The following NUP210L variants were observed in gnomAD, a reference collection of about 807,000 sequenced individuals.
NUP210L encodes nucleoporin 210 like, also known as nuclear pore membrane glycoprotein 210-like.
NUP210L carries 74 observed loss-of-function variants against 208.5 expected under a neutral mutation model. The observed-to-expected ratio is 0.35, with a 90% CI of 0.29 to 0.43. NUP210L has a LOEUF of 0.43. Among genes scored for constraint, NUP210L ranks in the 20% least tolerant of loss-of-function variants. The pLI is 1.00. For synonymous variants in NUP210L, 780 were observed against 816.9 expected, an observed-to-expected ratio of 0.95 and a Z score of 0.77; for missense variants, 1,843 against 2,289.4, an observed-to-expected ratio of 0.81 and a Z score of 3.98.
chr1:154,094,808 C>T, intron 15 of NUP210L, 127 bp downstream of exon 15: 1 of 678,946 alleles, frequency 1.5e-6, no homozygotes, highest in South Asian at 2.0e-5. Flanking sequence ...ATCATTTGAT[C>T]AATAATTAGA....
At chr1:154,118,728 G>T (rs746432849) in exon 11 of NUP210L, 4 of 1,605,646 alleles carry the variant, frequency 2.5e-6, no homozygotes, top group Non-Finnish European at 3.4e-6. Context: ...CCAGAAATTT[G>T]GGTGTAAGCA....
chr1:154,054,166 A>G (rs34752019), intron 25 of NUP210L, 62 bp downstream of exon 25: 238,385 of 1,560,040 alleles, frequency 0.15, 21,256 homozygotes, highest in East Asian at 0.45. Context: ...CTGCCTCCCT[A>G]TCTCCCACAG....
intron 14 of NUP210L, among the ~76,000 whole-genome samples, chr1:154,098,925 C>G (rs1278300713): frequency 1.3e-5 from 2 of 152,226 alleles, no homozygotes; most frequent in Non-Finnish European, 2.9e-5. Flanking sequence ...GCCCTCAGCT[C>G]CTCTTTGGCT....
At chr1:154,115,964 C>CA in intron 12 of NUP210L, among the ~76,000 whole-genome samples, 1 of 151,958 alleles carries the variant, frequency 6.6e-6, no homozygotes, top group East Asian at 1.9e-4. Context: ...ACTGAAAATA[C>CA]AAAAAATTAG....
chr1:154,046,902 T>C (rs1320571632), intron 25 of NUP210L, among the ~76,000 whole-genome samples: 1 of 151,946 alleles, frequency 6.6e-6, no homozygotes, highest in East Asian at 1.9e-4. Context: ...CTACTGAAAA[T>C]ACAAAATTAG....
intron 20 of NUP210L, 125 bp from the exon 21 acceptor site, chr1:154,058,818 C>T (rs1012083753): frequency 1.9e-5 from 16 of 839,474 alleles, no homozygotes; most frequent in South Asian, 3.5e-5. Context: ...GACTCTCAGA[C>T]GTCACGTAAC....
At position 154,000,837 on chromosome 1, in the gene NUP210L, AG is replaced by A; in HGVS notation, c.5386+18del. ...TTCTTTTCCTCTCTAGATTATAAAT[AG>A]GAATCTCTGATGCTTACCTGCACCC... On this transcript the variant is annotated intron_variant, in intron 37 of 39. Coordinates refer to ENST00000368559, the Ensembl canonical transcript of NUP210L. 1 of 1,595,118 alleles carries A rather than the reference AG, an allele frequency of 6.3e-7. No individual in the cohort carries two copies. The highest frequency in any genetic ancestry group is 1.3e-5 in the African/African-American group (1 of 74,652).
At chr1:154,087,799 T>C (rs780664482) in intron 16 of NUP210L, among the ~76,000 whole-genome samples, 1 of 152,106 alleles carries the variant, frequency 6.6e-6, no homozygotes, top group Non-Finnish European at 1.5e-5. Context: ...TCAATGAAAC[T>C]TGAAAACATG....
chr1:154,036,654 C>T (rs1242282456), intron 27 of NUP210L, among the ~76,000 whole-genome samples: 4 of 151,738 alleles, frequency 2.6e-5, no homozygotes, highest in South Asian at 2.1e-4. Context: ...CATGAGCTAC[C>T]GTGCCCAGCC....
At position 154,022,116 on chromosome 1, in the gene NUP210L, G is replaced by A. The variant is rs1651600149; in HGVS notation, c.4516+10C>T. ...CAATTGTAAGTTTGAGAAAGGGAAT[G>A]TATACATACCATGCTGGCTGACAAG... On this transcript the variant is annotated intron_variant, in intron 32 of 39. Transcript: ENST00000368559. The A allele has an allele frequency of 6.3e-7, 1 of 1,592,296 alleles. No individual in the cohort carries two copies. The highest frequency in any genetic ancestry group is 1.7e-5 in the Admixed American group (1 of 59,936).
At position 153,996,900 on chromosome 1, in the gene NUP210L, T is replaced by C. The variant is rs187842733; in HGVS notation, c.5387-1720A>G. 3.8e-4 allele frequency among the ~76,000 whole-genome samples: 54 copies of C among 143,086 alleles called. No individual in the cohort carries two copies. In the East Asian group the frequency reaches 9.4e-3, roughly 25 times the overall value. The allele number at this position is 143,086 out of a possible 152,430, so 93.9% of individuals were successfully genotyped here. On this transcript the variant is annotated intron_variant, in intron 37 of 39. Transcript: ENST00000368559. ...AAGGTCTCAGGCTGGAGTGCAGTGG[T>C]GCAGTCATGGCTTACTGCAGCCTCC...
intron 27 of NUP210L, among the ~76,000 whole-genome samples, chr1:154,038,576 C>A (rs140749825): frequency 6.6e-6 from 1 of 151,986 alleles, no homozygotes; most frequent in Non-Finnish European, 1.5e-5. Context: ...AACTCCTGAC[C>A]TCAGGTGACC....
At chr1:154,074,603 C>T (rs1373204414) in intron 16 of NUP210L, among the ~76,000 whole-genome samples, 1 of 151,578 alleles carries the variant, frequency 6.6e-6, no homozygotes, top group Admixed American at 6.6e-5. Flanking sequence ...ATTTTCCTGC[C>T]TCAGCCTCCC....
chr1:154,055,878 CT>C (rs545175841), intron 23 of NUP210L, among the ~76,000 whole-genome samples: 340 of 152,082 alleles, frequency 2.2e-3, no homozygotes, highest in African/African-American at 8.1e-3. Flanking sequence ...AGTTAACTTT[CT>C]TTTTTTTGAA....
chr1:154,131,838 T>G (rs2148126377), intron 7 of NUP210L, among the ~76,000 whole-genome samples: 1 of 152,280 alleles, frequency 6.6e-6, no homozygotes, highest in African/African-American at 2.4e-5. Context: ...TCAGTTTCAC[T>G]CCGTCGCCCA....
chr1:154,122,978 G>A (rs1030193688), intron 10 of NUP210L, among the ~76,000 whole-genome samples: 2 of 150,422 alleles, frequency 1.3e-5, no homozygotes, highest in Non-Finnish European at 1.5e-5. Flanking sequence ...TTGGGCCCAG[G>A]AGGTCAAGGC....
intron 27 of NUP210L, among the ~76,000 whole-genome samples, chr1:154,039,041 ACAC>A (rs1468255125): frequency 1.3e-5 from 2 of 152,130 alleles, no homozygotes; most frequent in African/African-American, 2.4e-5. Flanking sequence ...AGTAGTTTAT[ACAC>A]CACAATTACA....
intron 23 of NUP210L, 54 bp downstream of exon 23, chr1:154,056,761 C>A: frequency 6.6e-7 from 1 of 1,513,166 alleles, no homozygotes; most frequent in South Asian, 1.3e-5. Flanking sequence ...CAGAAAAAGA[C>A]AAATGATGTT....
chr1:154,111,680 G>C (rs1188100572), intron 12 of NUP210L, among the ~76,000 whole-genome samples: 3 of 151,490 alleles, frequency 2.0e-5, no homozygotes, highest in Non-Finnish European at 4.4e-5. Flanking sequence ...GGACTTGATG[G>C]ATTCATGGCT....
Sources: gnomAD v4.1 joint callset for allele counts (sites outside exome capture counted in the v4.1 genomes callset) on GRCh38, gnomAD v4.1.1 for gene constraint, MANE v1.5 for transcripts, NCBI Gene and HGNC (gene_info 2026-07-23, HGNC 2026-07-21) for gene names.